DSCAML1: variants seen among roughly 807,000 people sequenced by gnomAD.
The protein encoded by DSCAML1 is DS cell adhesion molecule like 1.
A neutral mutation model predicts 200.5 loss-of-function variants in DSCAML1; 38 were observed. The observed-to-expected ratio is 0.19, with a 90% CI of 0.15 to 0.25. DSCAML1 has a LOEUF of 0.25. DSCAML1 is among the 10% of genes least tolerant of loss of function. The pLI, the probability that DSCAML1 is intolerant of heterozygous loss-of-function variation, is 1.00. For synonymous variants in DSCAML1, 1,215 were observed against 1,165.0 expected, an observed-to-expected ratio of 1.04 and a Z score of -0.87; for missense variants, 2,223 against 2,858.8, an observed-to-expected ratio of 0.78 and a Z score of 5.07.
At chr11:117,604,077 C>T (rs1159178148) in intron 3 of DSCAML1, among the ~76,000 whole-genome samples, 1 of 152,202 alleles carries the variant, frequency 6.6e-6, no homozygotes, top group Non-Finnish European at 1.5e-5. Flanking sequence ...TGGTCTTTCT[C>T]CCAGGCAGAT....
chr11:117,541,079 C>T (rs946503960), intron 3 of DSCAML1, among the ~76,000 whole-genome samples: 18 of 152,336 alleles, frequency 1.2e-4, no homozygotes, highest in Admixed American at 2.6e-4. Flanking sequence ...TCATCTACTA[C>T]GGGGATTTTA....
At chr11:117,476,755 G>A (rs1367263516) in intron 14 of DSCAML1, among the ~76,000 whole-genome samples, 1 of 152,232 alleles carries the variant, frequency 6.6e-6, no homozygotes, top group Middle Eastern at 3.2e-3. Flanking sequence ...GGAGAAGTCA[G>A]CATGAGTGGG....
chr11:117,531,819 G>A (rs1456055578), intron 4 of DSCAML1, among the ~76,000 whole-genome samples: 2 of 151,778 alleles, frequency 1.3e-5, no homozygotes, highest in Non-Finnish European at 2.9e-5. Flanking sequence ...CCAGGGGGCG[G>A]AAGTTACAGT....
intron 3 of DSCAML1, among the ~76,000 whole-genome samples, chr11:117,583,420 C>A (rs1565805883): frequency 1.3e-5 from 2 of 152,180 alleles, no homozygotes; most frequent in Admixed American, 6.5e-5. Context: ...CGTGGTCTGA[C>A]CTCATCTCGC....
At chr11:117,690,712 C>T (rs1163612511) in intron 3 of DSCAML1, among the ~76,000 whole-genome samples, 3 of 152,186 alleles carry the variant, frequency 2.0e-5, no homozygotes, top group East Asian at 3.8e-4. Context: ...GGATCTTGTG[C>T]GTAGGCCAGG....
Position 117,452,304 on chromosome 11 carries a change from A to G in DSCAML1, c.3569-1616T>C, listed in dbSNP as rs150170636. Among the ~76,000 whole-genome samples, 4 of 152,346 alleles carry G rather than the reference A, an allele frequency of 2.6e-5. No homozygotes were observed. In the East Asian group the frequency reaches 7.7e-4, roughly 29 times the overall value. On this transcript the variant is annotated intron_variant, in intron 19 of 32. Transcript: ENST00000651296. Reference sequence around the variant, plus strand: ...ATTTTGAGGCGATATTATTGAGTACATTCAAATTTAGAATTGTTTTATTTG... The same window carrying G: ...ATTTTGAGGCGATATTATTGAGTACGTTCAAATTTAGAATTGTTTTATTTG...
chr11:117,505,258 AC>A lies in DSCAML1; in HGVS notation c.2062+195del, dbSNP rs2049471152. Among the ~76,000 whole-genome samples, 6 of 151,932 alleles carry A rather than the reference AC, an allele frequency of 3.9e-5. No individual in the cohort carries two copies. In the South Asian group the frequency reaches 1.2e-3, roughly 32 times the overall value. The stretch of plus-strand genomic sequence containing the variant: ...CCAGTCCTGCCTTTGCCACTGACTA[AC>A]TGAGCAAGTGTCTCTCTGCTCAGGG... On this transcript the variant is annotated intron_variant, in intron 9 of 32. Coordinates refer to ENST00000651296, the MANE Select transcript of DSCAML1 (RefSeq NM_020693.4). This position sits in a 1 kb window ranked among gnomAD's most constrained non-coding sequence, Gnocchi z 6.7.
At chr11:117,506,386 C>T (rs184916549) in intron 8 of DSCAML1, among the ~76,000 whole-genome samples, 127 of 152,150 alleles carry the variant, frequency 8.3e-4, no homozygotes, top group African/African-American at 3.0e-3. Context: ...AACTCAGGTT[C>T]AGAGCAGAAA....
intron 3 of DSCAML1, among the ~76,000 whole-genome samples, chr11:117,759,725 A>G (rs1369175693): frequency 9.1e-6 from 1 of 109,894 alleles, no homozygotes; most frequent in Non-Finnish European, 2.1e-5. Flanking sequence ...ACCCCCAGCT[A>G]CAGGGAGCAG....
chr11:117,458,080 G>T (rs887453591), intron 19 of DSCAML1, among the ~76,000 whole-genome samples: 1 of 151,976 alleles, frequency 6.6e-6, no homozygotes, highest in Admixed American at 6.5e-5. Flanking sequence ...CTCCCTGGCG[G>T]CCCTGGGGTA....
At position 117,512,781 on chromosome 11, in the gene DSCAML1, A is replaced by ACACACACACACACACACACC. The variant is rs1555179337; in HGVS notation, c.1783+3685_1783+3686insGGTGTGTGTGTGTGTGTGTG. Among the ~76,000 whole-genome samples the ACACACACACACACACACACC allele has an allele frequency of 1.5e-3, 228 of 148,964 alleles. 1 individual carries two copies. The highest frequency in any genetic ancestry group is 4.5e-3 in the African/African-American group (181 of 40,560). The stretch of plus-strand genomic sequence containing the variant: ...TAGGATCACACACACACACACACAC[A>ACACACACACACACACACACC]CACACACACACACACACACACCCCT... On this transcript the variant is annotated intron_variant, in intron 8 of 32. Coordinates refer to ENST00000651296, the MANE Select transcript of DSCAML1 (RefSeq NM_020693.4).
At chr11:117,526,449 C>G (rs1325277753) in intron 4 of DSCAML1, among the ~76,000 whole-genome samples, 2 of 152,194 alleles carry the variant, frequency 1.3e-5, no homozygotes, top group Non-Finnish European at 2.9e-5. Flanking sequence ...TTCTCCAGGC[C>G]ACTCTCAATG....
At chr11:117,482,249 C>T in intron 11 of DSCAML1, 87 bp from the exon 12 acceptor site, 2 of 1,461,454 alleles carry the variant, frequency 1.4e-6, no homozygotes, top group East Asian at 4.8e-5. Context: ...AGCCCCCGCC[C>T]CAGCCCTCCT....
At chr11:117,492,761 G>A (rs968220725) in intron 11 of DSCAML1, among the ~76,000 whole-genome samples, 2 of 152,218 alleles carry the variant, frequency 1.3e-5, no homozygotes, top group South Asian at 2.1e-4. Context: ...AGCCTTCGAC[G>A]GCAGCGGCAT....
At chr11:117,552,985 AT>A (rs2050495556) in intron 3 of DSCAML1, among the ~76,000 whole-genome samples, 1 of 152,106 alleles carries the variant, frequency 6.6e-6, no homozygotes, top group Admixed American at 6.5e-5. Context: ...TACAATATCT[AT>A]TTTCCCTTTC....
In DSCAML1 at chr11:117,521,266, C is replaced by A. The variant is rs1446966977; in HGVS notation, c.1077G>T (p.Glu359Asp). 3.7e-6 allele frequency: 6 copies of A among 1,614,190 alleles called. No homozygotes were observed. The African/African-American group carries it at 6.7e-5, about 18-fold the overall frequency. Residue 359 changes from glutamate to aspartate, a missense_variant, in exon 6 of 33, where the codon GAG (glutamate) becomes GAT (aspartate). By Grantham distance (45) the Glu-to-Asp change is conservative (BLOSUM62 2). This residue lies in a region of DSCAML1 where 579 missense variants were observed against 721.5 expected (regional missense o/e 0.80). Transcript: ENST00000651296. ...TGCTGAGCCCGCGGATGGAGATGGC[C>A]TCGTCAGGCAGCACCAGCTCCGTGT... ...YRNTELVLPD[E>D]AISIRGLSNE...
chr11:117,625,457 C>T (rs752504202), intron 3 of DSCAML1, among the ~76,000 whole-genome samples: 6 of 152,144 alleles, frequency 3.9e-5, no homozygotes, highest in Non-Finnish European at 8.8e-5. Flanking sequence ...GACAGCCTGA[C>T]GCAGGGGAGA....
chr11:117,442,910 G>C (rs118069464), intron 21 of DSCAML1, among the ~76,000 whole-genome samples: 1,955 of 152,292 alleles, frequency 0.013, 39 homozygotes, highest in South Asian at 0.015. Context: ...CTCAGCTGTG[G>C]AATGGGTCAA....
chr11:117,669,749 G>A (rs2053061730), intron 3 of DSCAML1, among the ~76,000 whole-genome samples: 1 of 152,250 alleles, frequency 6.6e-6, no homozygotes, highest in Non-Finnish European at 1.5e-5. Context: ...AGCCAAATGT[G>A]AAGCATGGGG....
Sources: gnomAD v4.1 joint callset for allele counts (sites outside exome capture counted in the v4.1 genomes callset) on GRCh38, gnomAD v4.1.1 for gene constraint, gnomAD v4.1.1 regional missense constraint, Gnocchi (gnomAD v3.1) non-coding constraint, MANE v1.5 for transcripts, NCBI Gene and HGNC (gene_info 2026-07-23, HGNC 2026-07-21) for gene names.